The following NFKBIZ variants were observed in gnomAD, a reference collection of about 807,000 sequenced individuals.
The protein encoded by NFKBIZ is NF-kappa-B inhibitor zeta.
NFKBIZ carries 19 observed loss-of-function variants against 76.8 expected under a neutral mutation model. The ratio of observed to expected loss-of-function variants is 0.25; its 90% CI spans 0.17 to 0.36. The LOEUF (loss-of-function observed/expected upper bound fraction) is 0.36. Among genes scored for constraint, NFKBIZ ranks in the 10% least tolerant of loss-of-function variants. NFKBIZ has a pLI of 1.00. For missense variants in NFKBIZ, 829 were observed against 910.9 expected, an observed-to-expected ratio of 0.91 and a Z score of 1.16; for synonymous variants, 368 against 354.8, an observed-to-expected ratio of 1.04 and a Z score of -0.42.
rs1465603330 is a variant in NFKBIZ at position 101,853,698 on chromosome 3, C to T, written c.1172C>T (p.Ala391Val). Residue 391 changes from alanine to valine, a missense_variant, in exon 5 of 12, where the codon GCC (alanine) becomes GTC (valine). Coordinates refer to ENST00000326172, the MANE Select transcript of NFKBIZ (RefSeq NM_031419.4). ...ACEAMVGHEMASDSSNTSLPF... is the reference protein window; with the variant it reads ...ACEAMVGHEMVSDSSNTSLPF... Reference sequence around the variant, plus strand: ...GAGGCCATGGTGGGGCACGAGATGGCCTCTGACTCTTCAAACACTTCACTG... The same window carrying T: ...GAGGCCATGGTGGGGCACGAGATGGTCTCTGACTCTTCAAACACTTCACTG... The T allele has an allele frequency of 1.2e-6, 2 of 1,614,242 alleles. No individual in the cohort carries two copies. Among genetic ancestry groups the T allele is most frequent in the Admixed American group, 1.7e-5 (1 of 60,032 alleles).
intron 2 of NFKBIZ, among the ~76,000 whole-genome samples, chr3:101,830,882 A>C (rs1022772393): frequency 6.6e-6 from 1 of 152,242 alleles, no homozygotes; most frequent in Non-Finnish European, 1.5e-5. Context: ...ACAATGCTAC[A>C]TTCTCTATAC....
At chr3:101,849,003 G>C (rs1296428244), upstream of NFKBIZ, 1 of 152,594 alleles carries the variant, frequency 6.6e-6, no homozygotes, top group African/African-American at 2.4e-5. Flanking sequence ...CCTTAACTGG[G>C]CTAACAGCTC....
intron 1 of NFKBIZ, among the ~76,000 whole-genome samples, chr3:101,850,685 C>A (rs746138137): frequency 8.5e-5 from 13 of 152,146 alleles, no homozygotes; most frequent in Admixed American, 6.5e-5. Flanking sequence ...GATAATTGAA[C>A]GTTGAGAGTA....
At position 101,853,292 on chromosome 3, in the gene NFKBIZ, G is replaced by A. The variant is rs1182756399; in HGVS notation, c.766G>A (p.Asp256Asn). The A allele has an allele frequency of 6.2e-7, 1 of 1,614,106 alleles. No homozygotes were observed. The highest frequency in any genetic ancestry group is 8.5e-7 in the Non-Finnish European group (1 of 1,180,028). The change falls in exon 5 of 12, where the codon GAC becomes AAC. Residue 256 changes from aspartate to asparagine, a missense_variant. This residue lies in a region of NFKBIZ where 371 missense variants were observed against 332.3 expected (regional missense o/e 1.12). Transcript: ENST00000326172. ...PQSSPAEQCQ[D>N]FHGGQVFSPP... ...GAGCTCCCCCGCAGAGCAGTGTCAGGACTTCCATGGAGGGCAGGTCTTTTC... is the reference window on the plus strand; with the variant it reads ...GAGCTCCCCCGCAGAGCAGTGTCAGAACTTCCATGGAGGGCAGGTCTTTTC...
intron 11 of NFKBIZ, chr3:101,858,076 A>G (rs928436624): frequency 2.1e-6 from 2 of 938,376 alleles, no homozygotes; most frequent in Non-Finnish European, 2.5e-6. Context: ...AACTTTTTAG[A>G]TAACAAGAAC....
rs191206016 is a variant in NFKBIZ at position 101,859,565 on chromosome 3, T to G, written c.*194T>G. ...AATATCTAATTTCTCTTGGCAGATT[T>G]GCATATTTCATACCCAGGTATCTGG... is the stretch of plus-strand genomic sequence containing the variant. On this transcript the variant is annotated 3_prime_UTR_variant, in exon 12 of 12. Transcript: ENST00000326172. 1 of 415,226 alleles carries G rather than the reference T, an allele frequency of 2.4e-6. No homozygotes were observed. Among genetic ancestry groups the G allele is most frequent in the Admixed American group, 3.6e-5 (1 of 27,632 alleles). The allele number at this position is 415,226 out of a possible 1,614,324, so 25.7% of individuals were successfully genotyped here.
upstream of NFKBIZ, chr3:101,849,038 T>TGCGGGGC (rs1187543484): frequency 3.3e-5 from 5 of 151,664 alleles, no homozygotes; most frequent in Non-Finnish European, 5.9e-5. Context: ...GGCAGAGGGG[T>TGCGGGGC]GCGGGGCGCG....
At chr3:101,829,897 G>C (rs1942624431) in intron 2 of NFKBIZ, among the ~76,000 whole-genome samples, 2 of 151,892 alleles carry the variant, frequency 1.3e-5, no homozygotes, top group South Asian at 4.2e-4. Context: ...GTGTGTGTGT[G>C]TGTGGTTTAG....
At chr3:101,833,104 T>A (rs1942668747) in intron 2 of NFKBIZ, among the ~76,000 whole-genome samples, 1 of 152,206 alleles carries the variant, frequency 6.6e-6, no homozygotes, top group South Asian at 2.1e-4. Context: ...TGTGCATGGT[T>A]GAGAATAACT....
chr3:101,854,733 G>A, intron 6 of NFKBIZ, 50 bp downstream of exon 6: 2 of 1,262,308 alleles, frequency 1.6e-6, no homozygotes, highest in African/African-American at 2.9e-5. Flanking sequence ...TCATGGTGAA[G>A]TGAATGATGA....
chr3:101,854,716 G>A, intron 6 of NFKBIZ, 33 bp downstream of exon 6: 1 of 1,470,118 alleles, frequency 6.8e-7, no homozygotes, highest in Non-Finnish European at 9.5e-7. Flanking sequence ...AAATGGCAAA[G>A]AGGGGGTCAT....
chr3:101,845,597 C>T (rs1466455607), upstream of NFKBIZ, among the ~76,000 whole-genome samples: 1 of 152,184 alleles, frequency 6.6e-6, no homozygotes, highest in South Asian at 2.1e-4. Context: ...CCACTGCACC[C>T]AGCCCAGCCC....
At chr3:101,830,327 T>G (rs1026134410) in intron 2 of NFKBIZ, among the ~76,000 whole-genome samples, 1 of 152,202 alleles carries the variant, frequency 6.6e-6, no homozygotes, top group Non-Finnish European at 1.5e-5. Context: ...ATTTATTTAT[T>G]TTTGTAACTT....
chr3:101,833,456 A>G lies in NFKBIZ; in HGVS notation c.-12+3768A>G, dbSNP rs539686612. On this transcript the variant is annotated intron_variant, in intron 2 of 12. Transcript: ENST00000394054. The stretch of plus-strand genomic sequence containing the variant: ...AGGGTGGAAAAAAAATGAAATGATG[A>G]TTTATTTTTTAATCATAACAGCTGT... Among the ~76,000 whole-genome samples, 11 of 152,246 alleles carry G rather than the reference A, an allele frequency of 7.2e-5. No individual in the cohort carries two copies. The South Asian group carries it at 1.7e-3, about 23-fold the overall frequency.
intron 9 of NFKBIZ, 187 bp downstream of exon 9, chr3:101,856,089 C>T (rs1240181941): frequency 6.9e-5 from 29 of 417,558 alleles, no homozygotes; most frequent in Middle Eastern, 6.8e-4. Flanking sequence ...CTCACTGTGT[C>T]GCCCAGGCTG....
In NFKBIZ at chr3:101,849,610, G is replaced by C. The variant is rs918682131; in HGVS notation, c.-19G>C. 36 of 1,326,686 alleles carry C rather than the reference G, an allele frequency of 2.7e-5. No homozygotes were observed. Among genetic ancestry groups the C allele is most frequent in the Non-Finnish European group, 3.3e-5 (34 of 1,042,002 alleles). The allele number at this position is 1,326,686 out of a possible 1,614,324, so 82.2% of individuals were successfully genotyped here. ...CGGTGGCGCAGGTGTCGGGGTCCTC[G>C]AGCGCCCAGCCTGGGAGCATGATTG... is the stretch of plus-strand genomic sequence containing the variant. On this transcript the variant is annotated 5_prime_UTR_variant, in exon 1 of 12. Transcript: ENST00000326172.
upstream of NFKBIZ, among the ~76,000 whole-genome samples, chr3:101,846,334 A>T (rs1942850591): frequency 6.6e-6 from 1 of 152,234 alleles, no homozygotes; most frequent in African/African-American, 2.4e-5. Flanking sequence ...GACTTAATAG[A>T]TCAAACTGAA....
chr3:101,848,741 G>C (rs1309531301), upstream of NFKBIZ, among the ~76,000 whole-genome samples: 2 of 152,212 alleles, frequency 1.3e-5, no homozygotes, highest in Non-Finnish European at 2.9e-5. Context: ...GCACCTACAT[G>C]TTTGTGTATT....
At chr3:101,832,104 C>T (rs1429159655) in intron 2 of NFKBIZ, among the ~76,000 whole-genome samples, 1 of 151,862 alleles carries the variant, frequency 6.6e-6, no homozygotes, top group Non-Finnish European at 1.5e-5. Flanking sequence ...TTCTTTCTTT[C>T]TTTTTTATTT....
Sources: allele counts gnomAD v4.1 joint callset (sites outside exome capture counted in the v4.1 genomes callset), GRCh38; gene constraint gnomAD v4.1.1; regional missense constraint gnomAD v4.1.1; transcripts MANE v1.5; gene names NCBI Gene and HGNC (gene_info 2026-07-23, HGNC 2026-07-21).